The following DLC1 variants were observed in gnomAD, a reference collection of about 807,000 sequenced individuals.
The protein encoded by DLC1 is rho GTPase-activating protein 7.
A neutral mutation model predicts 140.3 loss-of-function variants in DLC1; 54 were observed. That is an observed-to-expected ratio of 0.38 (90% CI 0.31 to 0.48). The LOEUF is 0.48. DLC1 is among the 20% of genes least tolerant of loss of function. The probability of loss-of-function intolerance (pLI) is 0.96; values close to 1 mark genes in which losing one functional copy is unlikely to be tolerated. For synonymous variants in DLC1, 986 were observed against 728.1 expected (o/e 1.35, Z -5.70); for missense variants, 2,536 against 1,907.0 (o/e 1.33, Z -6.14).
intron 12 of DLC1, among the ~76,000 whole-genome samples, chr8:13,093,149 A>G (rs1451497936): frequency 4.7e-5 from 1 of 21,210 alleles, no homozygotes; most frequent in African/African-American, 5.9e-5. Context: ...CCTAAGCATG[A>G]AAAAAAAAAA....
Position 13,231,306 on chromosome 8 carries a change from C to T in DLC1, c.1348+73963G>A, listed in dbSNP as rs79764635. ...TTATGTTTAATGTTTTCATGTGTCA[C>T]CAAAGAGCATTAACCTTGGAGTCAA... On this transcript the variant is annotated intron_variant, in intron 5 of 17. Coordinates refer to ENST00000276297, the MANE Select transcript of DLC1 (RefSeq NM_182643.3). Among the ~76,000 whole-genome samples, 973 of 152,090 alleles carry T rather than the reference C, an allele frequency of 6.4e-3. 7 individuals are homozygous for T. The highest frequency in any genetic ancestry group is 0.022 in the African/African-American group (916 of 41,470).
At position 13,221,498 on chromosome 8, in the gene DLC1, G is replaced by T. The variant is rs1174326980; in HGVS notation, c.1348+83771C>A. Reference sequence around the variant, plus strand: ...CTATTCTCCTGTCTCAGCCTCCTGAGTAGCTGGGACTACAGGCATGCACCA... The same window carrying T: ...CTATTCTCCTGTCTCAGCCTCCTGATTAGCTGGGACTACAGGCATGCACCA... On this transcript the variant is annotated intron_variant, in intron 5 of 17. Transcript: ENST00000276297. Among the ~76,000 whole-genome samples the T allele has an allele frequency of 2.6e-5, 4 of 151,248 alleles. No homozygotes were observed. In the East Asian group the frequency reaches 7.8e-4, roughly 29 times the overall value.
chr8:13,582,876 GTCTATATA>G (rs1394706711), intron 1 of DLC1, among the ~76,000 whole-genome samples: 4 of 41,988 alleles, frequency 9.5e-5, no homozygotes, highest in African/African-American at 3.3e-4. Flanking sequence ...ATATACTGTG[GTCTATATA>G]TATATATATA....
intron 4 of DLC1, among the ~76,000 whole-genome samples, chr8:13,392,728 A>AACTC (rs1211293399): frequency 6.6e-6 from 1 of 152,194 alleles, no homozygotes; most frequent in Non-Finnish European, 1.5e-5. Context: ...GTTGCAGTTC[A>AACTC]ACTCTTTCCT....
rs117232466 is a variant in DLC1, at chr8:13,177,529, G to A, written c.1349-61872C>T. ...AATCTTACTTCCCTCACATTCCTGCGTAAGAGATGTGGTAATACACTTGGG... is the reference window on the plus strand; with the variant it reads ...AATCTTACTTCCCTCACATTCCTGCATAAGAGATGTGGTAATACACTTGGG... On this transcript the variant is annotated intron_variant, in intron 5 of 17. Coordinates refer to ENST00000276297, the MANE Select transcript of DLC1 (RefSeq NM_182643.3). Among the ~76,000 whole-genome samples the A allele has an allele frequency of 1.6e-4, 25 of 152,218 alleles. No homozygotes were observed. The South Asian group carries it at 2.1e-3, about 13-fold the overall frequency.
intron 9 of DLC1, among the ~76,000 whole-genome samples, chr8:13,099,097 A>G (rs1173057866): frequency 7.0e-6 from 1 of 142,922 alleles, no homozygotes; most frequent in Non-Finnish European, 1.6e-5. Flanking sequence ...CACCAAGTTC[A>G]TTCTCATTGT....
chr8:13,486,065 CTG>C (rs1407398647), intron 2 of DLC1, among the ~76,000 whole-genome samples: 1 of 152,162 alleles, frequency 6.6e-6, no homozygotes, highest in African/African-American at 2.4e-5. Flanking sequence ...AATCCAAACA[CTG>C]TGAACATCTG....
At chr8:13,143,700 C>G (rs1180516579) in intron 5 of DLC1, among the ~76,000 whole-genome samples, 1 of 151,974 alleles carries the variant, frequency 6.6e-6, no homozygotes, top group Non-Finnish European at 1.5e-5. Context: ...GCCTGAGCCA[C>G]CACACCCAGC....
intron 4 of DLC1, among the ~76,000 whole-genome samples, chr8:13,311,034 T>C (rs1481603331): frequency 1.3e-5 from 2 of 152,204 alleles, no homozygotes; most frequent in Non-Finnish European, 1.5e-5. Context: ...CATTTATGGG[T>C]TTGATTTGTG....
rs772456468 is a variant in DLC1, at chr8:13,098,395, T to C, written c.3167+4A>G. Reference sequence around the variant, plus strand: ...GACAGTTGACTGATCATTTAAACTCTTACCAGCTAAAACCATGCTTGTTAG... The same window carrying C: ...GACAGTTGACTGATCATTTAAACTCCTACCAGCTAAAACCATGCTTGTTAG... On this transcript the variant is annotated splice_donor_region_variant and intron_variant, in intron 10 of 17. Coordinates refer to ENST00000276297, the MANE Select transcript of DLC1 (RefSeq NM_182643.3). The C allele has an allele frequency of 8.1e-6, 13 of 1,613,994 alleles. No individual in the cohort carries two copies. The highest frequency in any genetic ancestry group is 1.3e-5 in the African/African-American group (1 of 75,074).
At chr8:13,301,501 G>A (rs959457622) in intron 5 of DLC1, among the ~76,000 whole-genome samples, 3 of 152,190 alleles carry the variant, frequency 2.0e-5, no homozygotes, top group Non-Finnish European at 4.4e-5. Flanking sequence ...TTTGTACCAA[G>A]CATTGTTGCC....
chr8:13,293,294 G>T (rs1245833552), intron 5 of DLC1, among the ~76,000 whole-genome samples: 2 of 152,092 alleles, frequency 1.3e-5, no homozygotes, highest in Admixed American at 1.3e-4. Context: ...AAATTAAATG[G>T]TTATAAAAAG....
chr8:13,504,472 C>T (rs1489852378), intron 1 of DLC1, among the ~76,000 whole-genome samples: 1 of 152,154 alleles, frequency 6.6e-6, no homozygotes, highest in Non-Finnish European at 1.5e-5. Flanking sequence ...ACAATTTTAG[C>T]ATGTGTTCCA....
chr8:13,455,136 A>T (rs1170940803), intron 2 of DLC1, among the ~76,000 whole-genome samples: 5 of 152,212 alleles, frequency 3.3e-5, no homozygotes, highest in Admixed American at 6.5e-5. Context: ...TATAAATCAA[A>T]CAAAATGATT....
intron 5 of DLC1, among the ~76,000 whole-genome samples, chr8:13,282,687 T>C (rs1048160473): frequency 3.3e-5 from 5 of 152,134 alleles, no homozygotes; most frequent in African/African-American, 1.2e-4. Context: ...TACAGTGTGT[T>C]AGTAAAGAAG....
intron 2 of DLC1, among the ~76,000 whole-genome samples, chr8:13,474,713 C>G (rs1800365927): frequency 6.6e-6 from 1 of 152,310 alleles, no homozygotes; most frequent in Middle Eastern, 3.4e-3. Context: ...GACATACAGT[C>G]AAAGAAGATC....
At chr8:13,183,993 G>T (rs565836902) in intron 5 of DLC1, among the ~76,000 whole-genome samples, 2 of 152,196 alleles carry the variant, frequency 1.3e-5, no homozygotes, top group Admixed American at 6.5e-5. Flanking sequence ...CAATTTCAGA[G>T]CCTGTTATTG....
intron 4 of DLC1, among the ~76,000 whole-genome samples, chr8:13,391,418 T>C (rs1373861743): frequency 6.6e-6 from 1 of 152,186 alleles, no homozygotes; most frequent in Non-Finnish European, 1.5e-5. Context: ...TCAGAAAATA[T>C]TTGATTTGGA....
chr8:13,592,546 TA>T (rs1310958791), intron 1 of DLC1, among the ~76,000 whole-genome samples: 4 of 152,234 alleles, frequency 2.6e-5, no homozygotes, highest in East Asian at 1.9e-4. Flanking sequence ...ATTCCTTTTT[TA>T]AAAAACTTTA....
Sources: allele counts gnomAD v4.1 joint callset (sites outside exome capture counted in the v4.1 genomes callset), GRCh38; gene constraint gnomAD v4.1.1; transcripts MANE v1.5; gene names NCBI Gene and HGNC (gene_info 2026-07-23, HGNC 2026-07-21).